The following HCRTR2 variants were observed in gnomAD, a reference collection of about 807,000 sequenced individuals.
HCRTR2 encodes hypocretin receptor 2, also known as orexin receptor type 2.
Under a neutral mutation model 49.0 loss-of-function variants are expected in HCRTR2, and 22 were observed. The observed-to-expected ratio is 0.45, with a 90% CI of 0.32 to 0.64. The LOEUF is 0.64. HCRTR2 is among the 30% of genes least tolerant of loss of function. The pLI is 0.04. For synonymous variants in HCRTR2, 236 were observed against 205.3 expected, an observed-to-expected ratio of 1.15 and a Z score of -1.28; for missense variants, 491 against 559.4, an observed-to-expected ratio of 0.88 and a Z score of 1.23.
chr6:55,263,654 T>A (rs1581865184), intron 3 of HCRTR2, 53 bp from the exon 4 acceptor site: 5 of 926,664 alleles, frequency 5.4e-6, no homozygotes, highest in South Asian at 1.3e-5. Flanking sequence ...GTATCTTTTT[T>A]AAAAGTCCAT....
chr6:55,221,547 C>T (rs928384899), intron 1 of HCRTR2, among the ~76,000 whole-genome samples: 2 of 151,914 alleles, frequency 1.3e-5, no homozygotes, highest in African/African-American at 2.4e-5. Flanking sequence ...GGCGTGGTGG[C>T]TCACGCCTGT....
chr6:55,121,411 C>T (rs1581782434), intron 1 of HCRTR2, among the ~76,000 whole-genome samples: 1 of 152,272 alleles, frequency 6.6e-6, no homozygotes, highest in East Asian at 1.9e-4. Context: ...ACAATCATGT[C>T]ATCTGCAAGC....
At chr6:55,231,412 A>G (rs1278259181) in intron 1 of HCRTR2, among the ~76,000 whole-genome samples, 1 of 152,170 alleles carries the variant, frequency 6.6e-6, no homozygotes, top group Admixed American at 6.5e-5. Context: ...CTTTGTTTCA[A>G]TGGCAAATAG....
At chr6:55,192,622 A>G (rs1765339394) in intron 1 of HCRTR2, among the ~76,000 whole-genome samples, 1 of 152,176 alleles carries the variant, frequency 6.6e-6, no homozygotes, top group Non-Finnish European at 1.5e-5. Flanking sequence ...TTCTGCATCT[A>G]GATCCCAAAT....
chr6:55,121,971 G>T (rs764507549), intron 1 of HCRTR2, among the ~76,000 whole-genome samples: 1 of 152,156 alleles, frequency 6.6e-6, no homozygotes, highest in East Asian at 1.9e-4. Context: ...GATGATGGTG[G>T]CCTCATAAAA....
chr6:55,280,389 C>G lies in HCRTR2; in HGVS notation c.1050C>G (p.His350Gln). The G allele has an allele frequency of 6.2e-7, 1 of 1,612,906 alleles. No homozygotes were observed. Reference sequence around the variant, plus strand: ...TGTATGCCTGGTTTACCTTTTCACACTGGCTTGTATATGCCAATAGTGCTG... The same window carrying G: ...TGTATGCCTGGTTTACCTTTTCACAGTGGCTTGTATATGCCAATAGTGCTG... ...ETVYAWFTFS[H>Q]WLVYANSAAN... The change falls in exon 6 of 7, where the codon CAC becomes CAG. Residue 350 changes from histidine to glutamine, a missense_variant. Coordinates refer to ENST00000370862, the MANE Select transcript of HCRTR2 (RefSeq NM_001384272.1).
chr6:55,258,297 T>C (rs1202911014), intron 3 of HCRTR2, among the ~76,000 whole-genome samples: 1 of 152,122 alleles, frequency 6.6e-6, no homozygotes, highest in Non-Finnish European at 1.5e-5. Context: ...AAGTAGAGAG[T>C]AGAATCATAA....
At chr6:55,173,450 G>A (rs1454302079), upstream of HCRTR2, among the ~76,000 whole-genome samples, 1 of 152,132 alleles carries the variant, frequency 6.6e-6, no homozygotes, top group Non-Finnish European at 1.5e-5. Flanking sequence ...TTTTTACCAT[G>A]TTTATTAAGA....
At chr6:55,251,940 T>C (rs1442674257) in intron 2 of HCRTR2, among the ~76,000 whole-genome samples, 1 of 152,044 alleles carries the variant, frequency 6.6e-6, no homozygotes, top group Non-Finnish European at 1.5e-5. Context: ...TCAACAAACT[T>C]GAGCTAATAT....
intron 1 of HCRTR2, among the ~76,000 whole-genome samples, chr6:55,107,404 A>G (rs1040338896): frequency 1.4e-4 from 21 of 152,044 alleles, no homozygotes; most frequent in Non-Finnish European, 2.1e-4. Context: ...ACATTTATGA[A>G]TATATAGGTA....
intron 3 of HCRTR2, among the ~76,000 whole-genome samples, chr6:55,262,122 G>A (rs901713944): frequency 2.0e-5 from 3 of 151,646 alleles, no homozygotes; most frequent in Non-Finnish European, 4.4e-5. Context: ...GGGAAAGTGA[G>A]GGAGAGGGGG....
At chr6:55,196,157 A>G (rs576450038) in intron 1 of HCRTR2, among the ~76,000 whole-genome samples, 33 of 152,214 alleles carry the variant, frequency 2.2e-4, no homozygotes, top group African/African-American at 7.7e-4. Context: ...CTGTTTCTTC[A>G]CATTCCCCCT....
intron 1 of HCRTR2, among the ~76,000 whole-genome samples, chr6:55,221,462 A>G (rs767882961): frequency 2.6e-5 from 4 of 152,212 alleles, no homozygotes; most frequent in Non-Finnish European, 5.9e-5. Context: ...CTAGATAGCC[A>G]TATTCAAAGG....
chr6:55,165,090 A>G (rs1764857952), intron 1 of HCRTR2, among the ~76,000 whole-genome samples: 1 of 152,208 alleles, frequency 6.6e-6, no homozygotes, highest in Non-Finnish European at 1.5e-5. Flanking sequence ...AGTAAATTTG[A>G]AAACACTCTA....
intron 3 of HCRTR2, among the ~76,000 whole-genome samples, chr6:55,260,858 G>T (rs907643215): frequency 6.6e-6 from 1 of 152,108 alleles, no homozygotes. Flanking sequence ...GATTAATCCT[G>T]ACTGTAAACT....
At chr6:55,281,887 C>T (rs1767197705) in intron 6 of HCRTR2, among the ~76,000 whole-genome samples, 1 of 152,068 alleles carries the variant, frequency 6.6e-6, no homozygotes, top group African/African-American at 2.4e-5. Flanking sequence ...TTAAATATCT[C>T]TGAGAGTTCT....
intron 2 of HCRTR2, among the ~76,000 whole-genome samples, chr6:55,254,061 C>T (rs1275185096): frequency 6.6e-6 from 1 of 151,980 alleles, no homozygotes; most frequent in Non-Finnish European, 1.5e-5. Flanking sequence ...TTCTTAAATG[C>T]ATAATGGATA....
At chr6:55,132,016 G>A (rs959236512) in intron 1 of HCRTR2, among the ~76,000 whole-genome samples, 1 of 151,792 alleles carries the variant, frequency 6.6e-6, no homozygotes, top group Non-Finnish European at 1.5e-5. Flanking sequence ...AGGTTTTTCT[G>A]TAGACTAAAT....
chr6:55,269,100 A>G (rs1411136110), intron 4 of HCRTR2, among the ~76,000 whole-genome samples: 2 of 151,196 alleles, frequency 1.3e-5, no homozygotes, highest in Non-Finnish European at 2.9e-5. Flanking sequence ...AAAAAAAAAA[A>G]AAAAAAGAAA....
Sources: gnomAD v4.1 joint callset for allele counts (sites outside exome capture counted in the v4.1 genomes callset) on GRCh38, gnomAD v4.1.1 for gene constraint, MANE v1.5 for transcripts, NCBI Gene and HGNC (gene_info 2026-07-23, HGNC 2026-07-21) for gene names.